BATF3: variants seen among roughly 807,000 people sequenced by gnomAD.
BATF3 encodes the protein basic leucine zipper transcriptional factor ATF-like 3.
Under a neutral mutation model 16.1 loss-of-function variants are expected in BATF3, and 8 were observed. That is an observed-to-expected ratio of 0.50 (90% CI 0.29 to 0.90). BATF3 has a LOEUF of 0.90. Among genes scored for constraint, BATF3 ranks in the 40% least tolerant of loss-of-function variants. The probability of loss-of-function intolerance (pLI) is 0.08; values close to 1 mark genes in which losing one functional copy is unlikely to be tolerated. For synonymous variants in BATF3, 74 were observed against 72.7 expected (o/e 1.02, Z -0.09); for missense variants, 139 against 167.0 (o/e 0.83, Z 0.92).
intron 2 of BATF3, among the ~76,000 whole-genome samples, chr1:212,694,770 G>A (rs954207313): frequency 2.4e-4 from 36 of 152,142 alleles, no homozygotes; most frequent in Admixed American, 2.2e-3. Context: ...GGGCATTGCC[G>A]TTCTTCTGTG....
intron 2 of BATF3, among the ~76,000 whole-genome samples, chr1:212,690,387 C>T (rs564148808): frequency 7.2e-4 from 109 of 152,358 alleles, no homozygotes; most frequent in African/African-American, 2.5e-3. Context: ...AGGTGCCCCA[C>T]GGGCCCCTCA....
intron 2 of BATF3, among the ~76,000 whole-genome samples, chr1:212,691,387 A>G (rs1656996015): frequency 6.6e-6 from 1 of 152,050 alleles, no homozygotes; most frequent in African/African-American, 2.4e-5. Flanking sequence ...GTCAACTGCA[A>G]CTCTCTTGTA....
At chr1:212,687,106 G>T in intron 2 of BATF3, 127 bp from the exon 3 acceptor site, 1 of 659,396 alleles carries the variant, frequency 1.5e-6, no homozygotes, top group Non-Finnish European at 2.7e-6. Context: ...CCACTGCTCA[G>T]ATATTCAGAT....
At position 212,686,614 on chromosome 1, in the gene BATF3, C is replaced by T. The variant is rs748383053; in HGVS notation, c.*177G>A. The T allele has an allele frequency of 4.3e-5, 46 of 1,078,142 alleles. No individual in the cohort carries two copies. Among genetic ancestry groups the T allele is most frequent in the Admixed American group, 5.8e-5 (2 of 34,404 alleles). 66.8% of individuals were successfully genotyped at this position (1,078,142 alleles called of 1,614,324 possible). A position where few individuals can be genotyped will look rare whatever the true frequency, so the allele number is the denominator to read the frequency against. On this transcript the variant is annotated 3_prime_UTR_variant, in exon 3 of 3. Coordinates refer to ENST00000243440, the MANE Select transcript of BATF3 (RefSeq NM_018664.3). ...CTGCACAAGGGCTCTGTGAGTTTGG[C>T]GCCTGTTGGATGTCGGGCTGAGCCC...
chr1:212,696,950 C>T lies in BATF3; in HGVS notation c.195+11G>A, dbSNP rs2233925. ...TGGCTCTAAGGTGGCTTGCCCCTAC[C>T]ACGGTCTCACCTCATGGAGCTTGTC... On this transcript the variant is annotated intron_variant, in intron 2 of 2. Coordinates refer to ENST00000243440, the MANE Select transcript of BATF3 (RefSeq NM_018664.3). 237,045 of 1,611,622 alleles carry T rather than the reference C, an allele frequency of 0.15. 18,740 individuals carry two copies. The highest frequency in any genetic ancestry group is 0.25 in the South Asian group (22,390 of 91,002).
At position 212,699,548 on chromosome 1, in the gene BATF3, G is replaced by C. The variant is rs1657218845; in HGVS notation, c.90+125C>G. The stretch of plus-strand genomic sequence containing the variant: ...TACGCCCCTACCTCTGCTTGTCTCC[G>C]GCCGCACCCGCCACCTCTGCACCTC... On this transcript the variant is annotated intron_variant, in intron 1 of 2. Transcript: ENST00000243440. The surrounding 1 kb of genome is among the most constrained non-coding windows in gnomAD (Gnocchi z 4.4). 2 of 728,328 alleles carry C rather than the reference G, an allele frequency of 2.7e-6. No individual in the cohort carries two copies. Among genetic ancestry groups the C allele is most frequent in the Non-Finnish European group, 3.8e-6 (2 of 533,060 alleles). The allele number at this position is 728,328 out of a possible 1,614,324, so 45.1% of individuals were successfully genotyped here.
At chr1:212,691,426 G>C (rs184718605) in intron 2 of BATF3, among the ~76,000 whole-genome samples, 30 of 152,310 alleles carry the variant, frequency 2.0e-4, no homozygotes, top group African/African-American at 7.0e-4. Flanking sequence ...TTAGTTAGCA[G>C]TGCCTGGGTC....
At position 212,699,657 on chromosome 1, in the gene BATF3, G is replaced by A; in HGVS notation, c.90+16C>T. The A allele has an allele frequency of 4.6e-6, 6 of 1,318,578 alleles. No individual in the cohort carries two copies. Among genetic ancestry groups the A allele is most frequent in the Non-Finnish European group, 5.8e-6 (6 of 1,031,306 alleles). The allele number at this position is 1,318,578 out of a possible 1,614,324, so 81.7% of individuals were successfully genotyped here. Reference sequence around the variant, plus strand: ...CCCCGCACCCCACGGCCCTCCCTGAGCCTCTCGCCCTCTACCTGCTGCTGC... The same window carrying A: ...CCCCGCACCCCACGGCCCTCCCTGAACCTCTCGCCCTCTACCTGCTGCTGC... On this transcript the variant is annotated intron_variant, in intron 1 of 2. Coordinates refer to ENST00000243440, the MANE Select transcript of BATF3 (RefSeq NM_018664.3). The surrounding 1 kb of genome is among the most constrained non-coding windows in gnomAD (Gnocchi z 4.4).
At chr1:212,696,800 G>A (rs2233927) in intron 2 of BATF3, among the ~76,000 whole-genome samples, 161 bp downstream of exon 2, 4,150 of 152,244 alleles carry the variant, frequency 0.027, 70 homozygotes, top group Non-Finnish European at 0.039. Flanking sequence ...AAATGAACAC[G>A]TCCGTGAGCA....
Position 212,697,051 on chromosome 1 carries a change from A to T in BATF3, c.105T>A (p.Asp35Glu), listed in dbSNP as rs371103154. 1 of 1,613,926 alleles carries T rather than the reference A, an allele frequency of 6.2e-7. No homozygotes were observed. Among genetic ancestry groups the T allele is most frequent in the Non-Finnish European group, 8.5e-7 (1 of 1,180,000 alleles). The change falls in exon 2 of 3, where the codon GAT (aspartate) becomes GAA (glutamate). Residue 35 changes from aspartate to glutamate, a missense_variant. Physicochemically the swap from Asp to Glu is conservative, Grantham distance 45. Transcript: ENST00000243440. ...PQPQQQSPED[D>E]DRKVRRREKN... ...TTTCTCTCCTTCGGACCTTCCTGTCATCATCCTCAGGGCTCTGGGGAAAAA... is the reference window on the plus strand; with the variant it reads ...TTTCTCTCCTTCGGACCTTCCTGTCTTCATCCTCAGGGCTCTGGGGAAAAA...
chr1:212,690,883 T>A (rs1558020045), intron 2 of BATF3, among the ~76,000 whole-genome samples: 1 of 152,196 alleles, frequency 6.6e-6, no homozygotes, highest in Non-Finnish European at 1.5e-5. Context: ...AGGCAGTGGA[T>A]CTCAAGTAGG....
chr1:212,687,971 GA>G (rs1376024555), intron 2 of BATF3, among the ~76,000 whole-genome samples: 6 of 102,624 alleles, frequency 5.8e-5, no homozygotes, highest in African/African-American at 1.7e-4. Flanking sequence ...GAAAAAAAAA[GA>G]AAGAAAGAAA....
At chr1:212,696,663 G>A (rs181583400) in intron 2 of BATF3, among the ~76,000 whole-genome samples, 133 of 152,230 alleles carry the variant, frequency 8.7e-4, no homozygotes, top group African/African-American at 3.2e-3. Context: ...AAAACAGGAA[G>A]TAAGGACGTG....
At chr1:212,690,341 C>T (rs1312674880) in intron 2 of BATF3, among the ~76,000 whole-genome samples, 1 of 152,234 alleles carries the variant, frequency 6.6e-6, no homozygotes, top group African/African-American at 2.4e-5. Flanking sequence ...ACTGCCCTCC[C>T]CCAACCCATG....
chr1:212,688,016 G>A (rs199609453), intron 2 of BATF3, among the ~76,000 whole-genome samples: 5,544 of 68,906 alleles, frequency 0.08, 145 homozygotes, highest in African/African-American at 0.13. Flanking sequence ...AGGAAGGAAG[G>A]AAGGAAGGAA....
rs545788317 is a variant in BATF3 at position 212,691,321 on chromosome 1, G to A, written c.196-4342C>T. ...AAGTTAGAAAACTGAAGCTCTGAGAGGTACAGTGACTTTTCCAAGGTCACA... is the reference window on the plus strand; with the variant it reads ...AAGTTAGAAAACTGAAGCTCTGAGAAGTACAGTGACTTTTCCAAGGTCACA... On this transcript the variant is annotated intron_variant, in intron 2 of 2. Coordinates refer to ENST00000243440, the MANE Select transcript of BATF3 (RefSeq NM_018664.3). 1.5e-3 allele frequency among the ~76,000 whole-genome samples: 221 copies of A among 152,178 alleles called. 1 individual carries two copies. The highest frequency in any genetic ancestry group is 2.7e-3 in the Non-Finnish European group (184 of 68,026).
intron 2 of BATF3, among the ~76,000 whole-genome samples, chr1:212,694,670 C>G (rs1002904086): frequency 6.6e-6 from 1 of 152,234 alleles, no homozygotes; most frequent in Non-Finnish European, 1.5e-5. Context: ...TAACTGGGAG[C>G]CACAGGTCCC....
intron 2 of BATF3, among the ~76,000 whole-genome samples, chr1:212,694,441 GC>G (rs1657078910): frequency 6.6e-6 from 1 of 152,018 alleles, no homozygotes; most frequent in African/African-American, 2.4e-5. Flanking sequence ...CAATGGCAAT[GC>G]CTTGGTATTT....
At chr1:212,691,248 A>G (rs1211011874) in intron 2 of BATF3, among the ~76,000 whole-genome samples, 4 of 152,198 alleles carry the variant, frequency 2.6e-5, no homozygotes, top group Non-Finnish European at 5.9e-5. Flanking sequence ...AGAAAGAAGT[A>G]GGAACAGGCT....
Sources: allele counts gnomAD v4.1 joint callset (sites outside exome capture counted in the v4.1 genomes callset), GRCh38; gene constraint gnomAD v4.1.1; non-coding constraint Gnocchi (gnomAD v3.1); transcripts MANE v1.5; gene names NCBI Gene and HGNC (gene_info 2026-07-23, HGNC 2026-07-21).